Variants in KLHL25 observed in about 807,000 individuals in gnomAD.
The protein encoded by KLHL25 is kelch-like protein 25.
Under a neutral mutation model 30.0 loss-of-function variants are expected in KLHL25, and 41 were observed. The observed-to-expected ratio is 1.37, with a 90% CI of 1.07 to 1.78. The LOEUF (loss-of-function observed/expected upper bound fraction) is 1.78, where lower values mean the gene tolerates loss of function less well. KLHL25 is among the 40% of genes most tolerant of loss of function. The probability of loss-of-function intolerance (pLI) is 0.00; values close to 1 mark genes in which losing one functional copy is unlikely to be tolerated. For missense variants in KLHL25, 971 were observed against 824.5 expected (o/e 1.18, Z -2.18); for synonymous variants, 399 against 355.3 (o/e 1.12, Z -1.38).
rs374890104 is a variant in KLHL25 at position 85,768,900 on chromosome 15, G to T, written c.911C>A (p.Thr304Asn). ...CTGGTAGATCTTGTCACACATGAAG[G>T]TCTGGCCCCCCAGGATGAGTAGCGT... ...GHTLLILGGQTFMCDKIYQVD... is the reference protein window; with the variant it reads ...GHTLLILGGQNFMCDKIYQVD... The change falls in exon 2 of 3, where the codon ACC (threonine) becomes AAC (asparagine). Residue 304 changes from threonine (T) to asparagine (N), a missense_variant. Coordinates refer to ENST00000337975, the MANE Select transcript of KLHL25 (RefSeq NM_022480.4). 8.7e-6 allele frequency: 14 copies of T among 1,613,246 alleles called. No homozygotes were observed. The African/African-American group carries it at 9.3e-5, about 11-fold the overall frequency.
chr15:85,780,932 GT>G (rs559281768), intron 1 of KLHL25, among the ~76,000 whole-genome samples: 5 of 152,170 alleles, frequency 3.3e-5, no homozygotes, highest in Admixed American at 6.5e-5. Context: ...CCGCAGCATG[GT>G]TACAAAAGGA....
rs1243040877 is a variant in KLHL25, at chr15:85,769,151, G to A, written c.660C>T (p.His220=). ...AGTGGACCTTCCGTGGCTCCAGGTCGTGCTTCACCCACTGGAGGATGGCCT... is the reference window on the plus strand; with the variant it reads ...AGTGGACCTTCCGTGGCTCCAGGTCATGCTTCACCCACTGGAGGATGGCCT... ...VFEAILQWVK[H]DLEPRKVHLP... The change falls in exon 2 of 3, where the codon CAC becomes CAT. Residue 220 remains histidine, a synonymous_variant. Coordinates refer to ENST00000337975, the MANE Select transcript of KLHL25 (RefSeq NM_022480.4). The A allele has an allele frequency of 1.3e-5, 21 of 1,612,164 alleles. No individual in the cohort carries two copies. Among genetic ancestry groups the A allele is most frequent in the African/African-American group, 2.7e-5 (2 of 74,912 alleles).
intron 1 of KLHL25, among the ~76,000 whole-genome samples, chr15:85,785,637 G>C (rs1480631700): frequency 6.6e-6 from 1 of 151,974 alleles, no homozygotes; most frequent in Non-Finnish European, 1.5e-5. Flanking sequence ...CAGCAACCAG[G>C]GTAGGTGTGT....
intron 1 of KLHL25, among the ~76,000 whole-genome samples, chr15:85,784,043 AGCT>A (rs1252653709): frequency 6.6e-6 from 1 of 152,212 alleles, no homozygotes; most frequent in Non-Finnish European, 1.5e-5. Flanking sequence ...GATTCATGAC[AGCT>A]GCTGTTATTA....
At chr15:85,766,937 A>C (rs1264833914) in intron 2 of KLHL25, among the ~76,000 whole-genome samples, 1 of 151,906 alleles carries the variant, frequency 6.6e-6, no homozygotes, top group Non-Finnish European at 1.5e-5. Context: ...TTTACAGTTA[A>C]CAGTTTTTTG....
At chr15:85,791,949 C>G (rs1567244968) in intron 1 of KLHL25, among the ~76,000 whole-genome samples, 1 of 152,178 alleles carries the variant, frequency 6.6e-6, no homozygotes, top group Non-Finnish European at 1.5e-5. Context: ...AACAGGGAGC[C>G]CTTCCTATCC....
chr15:85,764,066 T>C (rs990836888), intron 2 of KLHL25: 10 of 152,296 alleles, frequency 6.6e-5, no homozygotes, highest in African/African-American at 2.4e-4. Context: ...GGCTCAGCCC[T>C]GACAGCTCCG....
chr15:85,792,712 C>CA (rs930730717), intron 1 of KLHL25, among the ~76,000 whole-genome samples: 3 of 152,208 alleles, frequency 2.0e-5, no homozygotes, highest in African/African-American at 7.2e-5. Flanking sequence ...AATTGGGCCT[C>CA]TGGGAGAAGT....
chr15:85,784,655 T>C (rs560342178), intron 1 of KLHL25, among the ~76,000 whole-genome samples: 16 of 152,228 alleles, frequency 1.1e-4, no homozygotes, highest in Middle Eastern at 3.4e-3. Flanking sequence ...ATGGAGGGCA[T>C]TGAGACTAGA....
intron 1 of KLHL25, among the ~76,000 whole-genome samples, chr15:85,787,303 G>A (rs1399085598): frequency 6.6e-6 from 1 of 152,148 alleles, no homozygotes; most frequent in African/African-American, 2.4e-5. Context: ...AAAATTAGCT[G>A]GGCGTGGTGG....
At chr15:85,783,716 T>G (rs947368141) in intron 1 of KLHL25, among the ~76,000 whole-genome samples, 3 of 151,414 alleles carry the variant, frequency 2.0e-5, no homozygotes, top group African/African-American at 7.3e-5. Flanking sequence ...AAAAAAAGAA[T>G]TTTAAATGCT....
intron 1 of KLHL25, among the ~76,000 whole-genome samples, chr15:85,775,244 C>T (rs565948445): frequency 4.8e-4 from 73 of 152,250 alleles, no homozygotes; most frequent in African/African-American, 1.7e-3. Flanking sequence ...AGGAAAGCAC[C>T]TTTGGAAACT....
chr15:85,774,743 G>C lies in KLHL25; in HGVS notation c.-10-4923C>G, dbSNP rs545486307. ...AGGATGGGGAAACGAGAGAGGCACA[G>C]CGCTCAGCCTGCGTAGTACCCAGGC... On this transcript the variant is annotated intron_variant, in intron 1 of 2. Coordinates refer to ENST00000337975, the MANE Select transcript of KLHL25 (RefSeq NM_022480.4). Among the ~76,000 whole-genome samples, 110 of 152,248 alleles carry C rather than the reference G, an allele frequency of 7.2e-4. 2 individuals carry two copies. The South Asian group carries it at 0.015, about 20-fold the overall frequency.
Position 85,768,933 on chromosome 15 carries a change from G to A in KLHL25, c.878C>T (p.Ala293Val), listed in dbSNP as rs373348206. ...VTSPCARPRKAGHTLLILGGQ... is the reference protein window; with the variant it reads ...VTSPCARPRKVGHTLLILGGQ... Reference sequence around the variant, plus strand: ...CCCCAGGATGAGTAGCGTGTGGCCCGCCTTGCGTGGCCGGGCACAGGGGCT... The same window carrying A: ...CCCCAGGATGAGTAGCGTGTGGCCCACCTTGCGTGGCCGGGCACAGGGGCT... Residue 293 changes from alanine (A) to valine (V), a missense_variant, in exon 2 of 3, where the codon GCG (alanine) becomes GTG (valine). Ala to Val is a moderately conservative substitution (Grantham distance 64, BLOSUM62 0). Coordinates refer to ENST00000337975, the MANE Select transcript of KLHL25 (RefSeq NM_022480.4). The A allele has an allele frequency of 6.8e-6, 11 of 1,613,176 alleles. No individual in the cohort carries two copies. Among genetic ancestry groups the A allele is most frequent in the Admixed American group, 1.7e-5 (1 of 60,014 alleles).
rs753129987 is a variant in KLHL25 at position 85,768,418 on chromosome 15, A to AGCACT, written c.1388_1392dup (p.Tyr465SerfsTer62). ...GTCCACCTGTTCTCCGAGGGGTCAT[A>AGCACT]GCACTGGACCTTGGACACCATGTCC... On this transcript the variant is annotated frameshift_variant, in exon 2 of 3. Transcript: ENST00000337975. LOFTEE classifies it high-confidence loss of function. 40 of 1,613,422 alleles carry AGCACT rather than the reference A, an allele frequency of 2.5e-5. 1 individual carries two copies. The highest frequency in any genetic ancestry group is 7.7e-5 in the South Asian group (7 of 91,068).
At chr15:85,764,237 C>T (rs1231863318) in intron 2 of KLHL25, 1 of 152,388 alleles carries the variant, frequency 6.6e-6, no homozygotes, top group Non-Finnish European at 1.5e-5. Context: ...AACTCGGACA[C>T]TGAGCTGTCC....
intron 1 of KLHL25, among the ~76,000 whole-genome samples, chr15:85,794,545 T>C (rs1276655008): frequency 6.6e-6 from 1 of 152,080 alleles, no homozygotes; most frequent in Non-Finnish European, 1.5e-5. Flanking sequence ...TCTCGGCGAA[T>C]TCCCTCGCGG....
intron 2 of KLHL25, among the ~76,000 whole-genome samples, chr15:85,766,790 C>G (rs1275248721): frequency 6.6e-6 from 1 of 152,200 alleles, no homozygotes; most frequent in Non-Finnish European, 1.5e-5. Flanking sequence ...CAAGGATGAC[C>G]TCGCTTAAGC....
Position 85,769,833 on chromosome 15 carries a change from C to G in KLHL25, c.-10-13G>C. On this transcript the variant is annotated splice_polypyrimidine_tract_variant and intron_variant, in intron 1 of 2. Coordinates refer to ENST00000337975, the MANE Select transcript of KLHL25 (RefSeq NM_022480.4). ...CATGGTGCGTCAGCTTGTGGGGGAACAAGCCCACAGGTTAGAGGAGCCCCT... is the reference window on the plus strand; with the variant it reads ...CATGGTGCGTCAGCTTGTGGGGGAAGAAGCCCACAGGTTAGAGGAGCCCCT... 1 of 1,590,488 alleles carries G rather than the reference C, an allele frequency of 6.3e-7. No homozygotes were observed. The highest frequency in any genetic ancestry group is 8.5e-7 in the Non-Finnish European group (1 of 1,169,750).
Sources: gnomAD v4.1 joint callset for allele counts (sites outside exome capture counted in the v4.1 genomes callset) on GRCh38, gnomAD v4.1.1 for gene constraint, MANE v1.5 for transcripts, NCBI Gene and HGNC (gene_info 2026-07-23, HGNC 2026-07-21) for gene names.